BMPR1B: variants seen among roughly 807,000 people sequenced by gnomAD.
BMPR1B encodes bone morphogenetic protein receptor type 1B, also known as bone morphogenetic protein receptor type-1B.
In BMPR1B, 12 loss-of-function variants were observed where a neutral mutation model predicts 59.1. That is an observed-to-expected ratio of 0.20 (90% confidence interval 0.13 to 0.33). The LOEUF is 0.33. BMPR1B is among the 10% of genes least tolerant of loss of function. The probability of loss-of-function intolerance (pLI) is 1.00; values close to 1 mark genes in which losing one functional copy is unlikely to be tolerated. For missense variants in BMPR1B, 550 were observed against 610.9 expected (o/e 0.90, Z 1.05); for synonymous variants, 237 against 207.3 (o/e 1.14, Z -1.23).
At chr4:94,829,015 T>C (rs1447940499) in intron 1 of BMPR1B, among the ~76,000 whole-genome samples, 2 of 151,950 alleles carry the variant, frequency 1.3e-5, no homozygotes, top group African/African-American at 4.8e-5. Flanking sequence ...TAATGCATTC[T>C]TGCCAAGTAG....
At chr4:94,891,306 A>G (rs965009853) in intron 2 of BMPR1B, among the ~76,000 whole-genome samples, 1 of 152,096 alleles carries the variant, frequency 6.6e-6, no homozygotes, top group African/African-American at 2.4e-5. Flanking sequence ...TTTGAATATT[A>G]TGAGAAGTAA....
At chr4:94,833,585 A>G (rs1724685603) in intron 1 of BMPR1B, among the ~76,000 whole-genome samples, 1 of 152,150 alleles carries the variant, frequency 6.6e-6, no homozygotes, top group Admixed American at 6.6e-5. Context: ...CTTCAGAGGT[A>G]ACATTCTTAG....
chr4:94,995,677 T>A (rs1722011468), intron 2 of BMPR1B: 1 of 152,206 alleles, frequency 6.6e-6, no homozygotes, highest in Non-Finnish European at 1.5e-5. Flanking sequence ...ACTTAATAAT[T>A]GCCCTTCTGT....
At chr4:94,858,616 G>A (rs988760981) in intron 1 of BMPR1B, among the ~76,000 whole-genome samples, 1 of 151,764 alleles carries the variant, frequency 6.6e-6, no homozygotes, top group African/African-American at 2.4e-5. Flanking sequence ...GAGTTATCTT[G>A]AGTCTAAGAA....
chr4:94,998,665 G>A (rs543301312), intron 3 of BMPR1B, among the ~76,000 whole-genome samples: 2 of 152,042 alleles, frequency 1.3e-5, no homozygotes, highest in South Asian at 2.1e-4. Flanking sequence ...GAGCCACCAC[G>A]CCCAGCCTGC....
chr4:95,092,183 C>T (rs544306216), intron 3 of BMPR1B, among the ~76,000 whole-genome samples: 3 of 151,946 alleles, frequency 2.0e-5, no homozygotes, highest in African/African-American at 7.2e-5. Flanking sequence ...ATGAATGTTT[C>T]AAAAATATAG....
chr4:94,874,494 G>A (rs1239464138), intron 1 of BMPR1B, among the ~76,000 whole-genome samples: 3 of 152,102 alleles, frequency 2.0e-5, no homozygotes, highest in Non-Finnish European at 4.4e-5. Context: ...TGGAGCATAT[G>A]TAAATATAGA....
chr4:95,116,744 A>C (rs894022310), intron 6 of BMPR1B, among the ~76,000 whole-genome samples: 1 of 151,594 alleles, frequency 6.6e-6, no homozygotes, highest in Admixed American at 6.6e-5. Flanking sequence ...CCTCCCCAGT[A>C]GCTGGGAAAC....
intron 3 of BMPR1B, chr4:94,996,483 G>A (rs1722066139): frequency 6.6e-6 from 1 of 152,148 alleles, no homozygotes; most frequent in African/African-American, 2.4e-5. Context: ...TGTCAGTTAA[G>A]TTTATCGTAG....
chr4:95,116,979 C>G lies in BMPR1B; in HGVS notation c.349+1192C>G, dbSNP rs1475810255. On this transcript the variant is annotated intron_variant, in intron 6 of 12. Coordinates refer to ENST00000515059, the MANE Select transcript of BMPR1B (RefSeq NM_001203.3). ...AAGTATACATTAGAATGTAAGAGAG[C>G]ACCGTGTCAATAACTATATTTGTTC... 2.0e-5 allele frequency among the ~76,000 whole-genome samples: 3 copies of G among 152,080 alleles called. No individual in the cohort carries two copies. The East Asian group carries it at 5.8e-4, about 29-fold the overall frequency.
chr4:94,946,938 G>A (rs930721945), intron 2 of BMPR1B, among the ~76,000 whole-genome samples: 1 of 152,048 alleles, frequency 6.6e-6, no homozygotes, highest in Non-Finnish European at 1.5e-5. Flanking sequence ...TGTGGCCCCT[G>A]CTACCCGGGA....
At chr4:94,996,537 C>A (rs1444851100) in intron 3 of BMPR1B, among the ~76,000 whole-genome samples, 1 of 152,066 alleles carries the variant, frequency 6.6e-6, no homozygotes, top group African/African-American at 2.4e-5. Flanking sequence ...TTCAGATGAA[C>A]GTATGAAGGT....
chr4:94,850,292 A>G (rs1048822785), intron 1 of BMPR1B, among the ~76,000 whole-genome samples: 1 of 152,198 alleles, frequency 6.6e-6, no homozygotes, highest in Non-Finnish European at 1.5e-5. Context: ...AAAAAAATGT[A>G]TAGCATTGCA....
intron 2 of BMPR1B, among the ~76,000 whole-genome samples, chr4:94,880,811 T>C (rs2148978717): frequency 6.6e-6 from 1 of 152,054 alleles, no homozygotes; most frequent in East Asian, 1.9e-4. Context: ...AATTTTTATA[T>C]TTTTAGTAGA....
intron 3 of BMPR1B, among the ~76,000 whole-genome samples, chr4:95,038,764 G>C (rs1417534478): frequency 6.6e-6 from 1 of 152,148 alleles, no homozygotes; most frequent in Non-Finnish European, 1.5e-5. Context: ...AGGTGCTAAT[G>C]AGATGTAGTG....
intron 1 of BMPR1B, among the ~76,000 whole-genome samples, chr4:94,857,118 TA>T (rs371416145): frequency 7.3e-5 from 11 of 151,050 alleles, no homozygotes; most frequent in Admixed American, 2.0e-4. Flanking sequence ...AAGAATGAGA[TA>T]AAAAAGTATG....
chr4:94,994,235 C>A (rs1467531746), intron 2 of BMPR1B, among the ~76,000 whole-genome samples: 1 of 152,112 alleles, frequency 6.6e-6, no homozygotes, highest in Non-Finnish European at 1.5e-5. Context: ...CACCTTATTC[C>A]TTCTAGTTGG....
intron 6 of BMPR1B, among the ~76,000 whole-genome samples, 197 bp downstream of exon 6, chr4:95,115,984 C>T (rs1732001026): frequency 6.6e-6 from 1 of 152,146 alleles, no homozygotes; most frequent in Admixed American, 6.6e-5. Flanking sequence ...TGTGACTTCA[C>T]TTTTATGATT....
intron 1 of BMPR1B, among the ~76,000 whole-genome samples, chr4:94,813,541 A>G (rs1388500539): frequency 6.6e-6 from 1 of 152,272 alleles, no homozygotes; most frequent in East Asian, 1.9e-4. Context: ...AGGGAGATGG[A>G]GGGCCTATCA....
Sources: allele counts gnomAD v4.1 joint callset (sites outside exome capture counted in the v4.1 genomes callset), GRCh38; gene constraint gnomAD v4.1.1; transcripts MANE v1.5; gene names NCBI Gene and HGNC (gene_info 2026-07-23, HGNC 2026-07-21).